Variants in CEP85L observed in about 807,000 individuals in gnomAD.
CEP85L encodes centrosomal protein of 85 kDa-like.
In CEP85L, 60 loss-of-function variants were observed where a neutral mutation model predicts 100.3. That is an observed-to-expected ratio of 0.60 (90% CI 0.49 to 0.74). The LOEUF (loss-of-function observed/expected upper bound fraction) is 0.74. CEP85L is among the 30% of genes least tolerant of loss of function. CEP85L has a pLI of 0.00. For missense variants in CEP85L, 973 were observed against 936.2 expected (o/e 1.04, Z -0.51); for synonymous variants, 319 against 322.7 (o/e 0.99, Z 0.12).
At chr6:118,542,640 G>A (rs1777959473) in intron 3 of CEP85L, among the ~76,000 whole-genome samples, 1 of 151,894 alleles carries the variant, frequency 6.6e-6, no homozygotes, top group South Asian at 2.1e-4. Flanking sequence ...AAAAAAATGA[G>A]AATGACAGTT....
At chr6:118,520,542 T>C (rs1776601536) in intron 4 of CEP85L, among the ~76,000 whole-genome samples, 1 of 152,242 alleles carries the variant, frequency 6.6e-6, no homozygotes, top group Non-Finnish European at 1.5e-5. Flanking sequence ...TTCTTTGTGC[T>C]GTTAACATTC....
At chr6:118,520,998 TG>T (rs1256279987) in intron 4 of CEP85L, among the ~76,000 whole-genome samples, 1 of 152,222 alleles carries the variant, frequency 6.6e-6, no homozygotes, top group Admixed American at 6.5e-5. Flanking sequence ...TCTCCTCCTA[TG>T]AAAGTTATAC....
intron 1 of CEP85L, 32 bp downstream of exon 1, chr6:118,651,165 C>T: frequency 1.3e-6 from 2 of 1,484,598 alleles, no homozygotes; most frequent in Non-Finnish European, 1.8e-6. Flanking sequence ...CCGTGACCCC[C>T]ACCCCAGCCG....
At chr6:118,690,424 C>G (rs759256576) in intron 1 of CEP85L, among the ~76,000 whole-genome samples, 16 of 152,146 alleles carry the variant, frequency 1.1e-4, no homozygotes, top group Non-Finnish European at 2.4e-4. Flanking sequence ...TACCTCTCTG[C>G]TCCCTGGCCG....
At chr6:118,617,836 C>A (rs542746363) in intron 2 of CEP85L, among the ~76,000 whole-genome samples, 62 of 152,272 alleles carry the variant, frequency 4.1e-4, no homozygotes, top group African/African-American at 1.4e-3. Flanking sequence ...GGAAGAGCAT[C>A]CCAACTGCCA....
At chr6:118,608,112 C>A (rs1245877953) in intron 2 of CEP85L, among the ~76,000 whole-genome samples, 1 of 152,182 alleles carries the variant, frequency 6.6e-6, no homozygotes, top group Non-Finnish European at 1.5e-5. Context: ...AATTATATTA[C>A]AAATATTTGC....
intron 2 of CEP85L, among the ~76,000 whole-genome samples, chr6:118,575,548 C>G (rs560251301): frequency 6.6e-6 from 1 of 152,150 alleles, no homozygotes; most frequent in Non-Finnish European, 1.5e-5. Flanking sequence ...CACCTTCCCC[C>G]GCCAAACACC....
intron 2 of CEP85L, among the ~76,000 whole-genome samples, chr6:118,598,419 G>T (rs763003673): frequency 2.0e-5 from 3 of 152,174 alleles, no homozygotes; most frequent in Non-Finnish European, 4.4e-5. Flanking sequence ...TTTGGAAATA[G>T]GGTCTTTGCA....
intron 2 of CEP85L, among the ~76,000 whole-genome samples, chr6:118,601,944 T>C (rs192317345): frequency 5.9e-5 from 9 of 152,344 alleles, no homozygotes; most frequent in East Asian, 1.9e-4. Flanking sequence ...TCCTGTGATG[T>C]AGAGTGCCTT....
intron 1 of CEP85L, among the ~76,000 whole-genome samples, chr6:118,637,422 G>C (rs1023148136): frequency 6.6e-6 from 1 of 151,950 alleles, no homozygotes; most frequent in African/African-American, 2.4e-5. Flanking sequence ...TCTAGGCCGG[G>C]CAAGGTGGCT....
At chr6:118,659,071 G>A (rs1775886984) in intron 1 of CEP85L, among the ~76,000 whole-genome samples, 1 of 152,062 alleles carries the variant, frequency 6.6e-6, no homozygotes, top group African/African-American at 2.4e-5. Flanking sequence ...AACCCTAGTA[G>A]AATAACCAAT....
intron 10 of CEP85L, among the ~76,000 whole-genome samples, chr6:118,479,481 A>G (rs1412294402): frequency 5.3e-5 from 8 of 152,172 alleles, no homozygotes; most frequent in Non-Finnish European, 8.8e-5. Flanking sequence ...CCCTGTTCAA[A>G]TATCACCTCT....
chr6:118,489,313 C>T (rs1400879512), intron 6 of CEP85L, among the ~76,000 whole-genome samples: 3 of 147,840 alleles, frequency 2.0e-5, no homozygotes, highest in Non-Finnish European at 4.5e-5. Context: ...TTTTCCCACA[C>T]AAACAAAAGC....
intron 1 of CEP85L, among the ~76,000 whole-genome samples, chr6:118,694,598 A>G (rs1015224096): frequency 1.3e-5 from 2 of 152,102 alleles, no homozygotes; most frequent in African/African-American, 4.8e-5. Context: ...TGTGTCTAAA[A>G]CCCCTACAAT....
At chr6:118,581,413 TC>T (rs1780570265) in intron 2 of CEP85L, among the ~76,000 whole-genome samples, 1 of 152,070 alleles carries the variant, frequency 6.6e-6, no homozygotes, top group Non-Finnish European at 1.5e-5. Context: ...TACACAGTTT[TC>T]CCTGAGATCC....
Position 118,562,967 on chromosome 6 carries a change from AC to A in CEP85L, c.1020+2561del, listed in dbSNP as rs200227727. 2.9e-4 allele frequency among the ~76,000 whole-genome samples: 44 copies of A among 152,270 alleles called. No homozygotes were observed. The East Asian group carries it at 5.4e-3, about 19-fold the overall frequency. On this transcript the variant is annotated intron_variant, in intron 3 of 12. Coordinates refer to ENST00000368491, the MANE Select transcript of CEP85L (RefSeq NM_001042475.3). ...CACCCTACCTTCCCCAAGAAAAGGA[AC>A]TCAAGGGGGCCATGGAAAGGGAAGG...
intron 2 of CEP85L, among the ~76,000 whole-genome samples, chr6:118,621,755 T>C (rs1320395316): frequency 6.6e-6 from 1 of 152,230 alleles, no homozygotes; most frequent in East Asian, 1.9e-4. Context: ...ATTGAGCCTA[T>C]ACTGGCTTAT....
intron 1 of CEP85L, among the ~76,000 whole-genome samples, chr6:118,689,295 A>G (rs541002257): frequency 1.3e-5 from 2 of 152,054 alleles, no homozygotes; most frequent in South Asian, 4.1e-4. Context: ...TTAACTTCCT[A>G]CTTTAAGGTG....
intron 2 of CEP85L, among the ~76,000 whole-genome samples, chr6:118,596,151 A>C (rs1025754533): frequency 9.9e-5 from 15 of 152,212 alleles, no homozygotes; most frequent in African/African-American, 3.4e-4. Flanking sequence ...AACATCTTAT[A>C]GACCTGTGGT....
Sources: gnomAD v4.1 joint callset for allele counts (sites outside exome capture counted in the v4.1 genomes callset) on GRCh38, gnomAD v4.1.1 for gene constraint, MANE v1.5 for transcripts, NCBI Gene and HGNC (gene_info 2026-07-23, HGNC 2026-07-21) for gene names.